The following DISC1 variants were observed in gnomAD, a reference collection of about 807,000 sequenced individuals.
DISC1 encodes the protein DISC1 scaffold protein, also known as disrupted in schizophrenia 1 protein.
A neutral mutation model predicts 84.5 loss-of-function variants in DISC1; 57 were observed. That is an observed-to-expected ratio of 0.67 (90% CI 0.55 to 0.84). DISC1 has a LOEUF of 0.84. DISC1 is among the 40% of genes least tolerant of loss of function. The pLI, the probability that DISC1 is intolerant of heterozygous loss-of-function variation, is 0.00. For synonymous variants in DISC1, 411 were observed against 415.2 expected (o/e 0.99, Z 0.12); for missense variants, 1,000 against 1,057.8 (o/e 0.95, Z 0.76).
chr1:231,775,348 G>C (rs1392262436), intron 6 of DISC1, among the ~76,000 whole-genome samples: 1 of 152,222 alleles, frequency 6.6e-6, no homozygotes, highest in Non-Finnish European at 1.5e-5. Flanking sequence ...GGAGGCCATC[G>C]TTTCTGACTG....
At chr1:231,779,549 GTTTTTTTTTTTTTTT>G (rs762129889) in intron 6 of DISC1, among the ~76,000 whole-genome samples, 1 of 53,570 alleles carries the variant, frequency 1.9e-5, no homozygotes, top group African/African-American at 7.4e-5. Context: ...ACCTATTCTT[GTTTTTTTTTTTTTTT>G]TTTTTTTTTT....
intron 1 of DISC1, among the ~76,000 whole-genome samples, chr1:231,688,105 G>A (rs562354373): frequency 1.3e-5 from 2 of 152,160 alleles, no homozygotes; most frequent in Admixed American, 6.5e-5. Flanking sequence ...TTTTACACTT[G>A]TATGTCTTTG....
At chr1:231,858,023 A>G (rs973606513) in intron 9 of DISC1, among the ~76,000 whole-genome samples, 3 of 152,246 alleles carry the variant, frequency 2.0e-5, no homozygotes, top group Admixed American at 2.0e-4. Flanking sequence ...AATTCATTCC[A>G]GTGGCTTGCC....
chr1:232,005,918 T>C (rs199651541), intron 10 of DISC1, among the ~76,000 whole-genome samples: 10 of 77,690 alleles, frequency 1.3e-4, no homozygotes, highest in African/African-American at 5.3e-4. Flanking sequence ...TATATTTTCA[T>C]TGAAAATTCC....
intron 9 of DISC1, among the ~76,000 whole-genome samples, chr1:231,863,771 C>T (rs907927781): frequency 3.9e-5 from 6 of 152,144 alleles, no homozygotes; most frequent in African/African-American, 9.7e-5. Context: ...TTCTCATCTC[C>T]GTAAGAATGA....
intron 9 of DISC1, among the ~76,000 whole-genome samples, chr1:231,939,677 C>G (rs1345820908): frequency 1.3e-5 from 2 of 152,202 alleles, no homozygotes; most frequent in East Asian, 3.9e-4. Context: ...CCCTCTTCTT[C>G]CAAGCCCCTG....
At chr1:231,782,060 T>G (rs531665616) in intron 6 of DISC1, among the ~76,000 whole-genome samples, 1 of 152,342 alleles carries the variant, frequency 6.6e-6, no homozygotes, top group African/African-American at 2.4e-5. Context: ...CCTCTAGATT[T>G]CCTGTAGCTG....
intron 9 of DISC1, among the ~76,000 whole-genome samples, chr1:231,927,190 G>C (rs922650126): frequency 7.2e-5 from 11 of 152,174 alleles, no homozygotes; most frequent in Admixed American, 5.9e-4. Flanking sequence ...CTCATTCCCT[G>C]TTTGGGTTTC....
chr1:231,942,702 A>T (rs1040564890), intron 9 of DISC1, among the ~76,000 whole-genome samples: 1 of 152,150 alleles, frequency 6.6e-6, no homozygotes, highest in Non-Finnish European at 1.5e-5. Context: ...AAGAAAAAAA[A>T]GAAAACGCCA....
At chr1:231,890,381 C>T (rs141943713) in intron 9 of DISC1, among the ~76,000 whole-genome samples, 154 of 152,236 alleles carry the variant, frequency 1.0e-3, no homozygotes, top group African/African-American at 3.6e-3. Context: ...TGATCGAGCA[C>T]AAATCCACTT....
intron 3 of DISC1, among the ~76,000 whole-genome samples, chr1:231,717,432 G>A (rs1344393837): frequency 1.3e-5 from 2 of 152,146 alleles, no homozygotes; most frequent in African/African-American, 4.8e-5. Flanking sequence ...CTGGAGTCTG[G>A]AGCCTTGCTA....
chr1:231,744,099 A>C (rs2073676598), intron 3 of DISC1, among the ~76,000 whole-genome samples: 2 of 152,340 alleles, frequency 1.3e-5, no homozygotes, highest in Non-Finnish European at 1.5e-5. Flanking sequence ...CTCCTTAGAA[A>C]ATGGCTTATA....
At position 231,755,775 on chromosome 1, in the gene DISC1, G is replaced by T. The variant is rs977320806; in HGVS notation, c.1268+5699G>T. On this transcript the variant is annotated intron_variant, in intron 4 of 12. Transcript: ENST00000439617. ...CTTTCCATCCCTCCCCACAGTCATT[G>T]GTCACCAAGTCCTGTTGTGTCCACT... 3.3e-5 allele frequency among the ~76,000 whole-genome samples: 5 copies of T among 152,152 alleles called. No individual in the cohort carries two copies. In the East Asian group the frequency reaches 9.6e-4, roughly 29 times the overall value.
intron 10 of DISC1, among the ~76,000 whole-genome samples, chr1:232,008,066 A>T (rs1184745062): frequency 6.6e-6 from 1 of 152,178 alleles, no homozygotes; most frequent in African/African-American, 2.4e-5. Flanking sequence ...CTCCCCAGCC[A>T]CACTGAACTG....
intron 9 of DISC1, among the ~76,000 whole-genome samples, chr1:231,955,226 T>C (rs1644914202): frequency 6.6e-6 from 1 of 152,242 alleles, no homozygotes; most frequent in Non-Finnish European, 1.5e-5. Flanking sequence ...ACTTCCTTAG[T>C]GATACTGTCC....
At chr1:231,837,608 G>A (rs150512428) in intron 9 of DISC1, among the ~76,000 whole-genome samples, 85 of 152,044 alleles carry the variant, frequency 5.6e-4, no homozygotes, top group African/African-American at 1.9e-3. Context: ...TGCTTCACTC[G>A]AAAAACTTAT....
At chr1:231,989,807 G>A (rs1664950677) in intron 10 of DISC1, among the ~76,000 whole-genome samples, 1 of 152,192 alleles carries the variant, frequency 6.6e-6, no homozygotes, top group Non-Finnish European at 1.5e-5. Context: ...TACCTGTGCA[G>A]TTCTCTCCAC....
At chr1:231,884,854 G>A (rs1236884297) in intron 9 of DISC1, among the ~76,000 whole-genome samples, 2 of 151,850 alleles carry the variant, frequency 1.3e-5, no homozygotes, top group Admixed American at 6.6e-5. Context: ...TGTGTGATCC[G>A]GTTTTACAGG....
intron 4 of DISC1, among the ~76,000 whole-genome samples, chr1:231,764,481 T>C (rs2076012966): frequency 1.3e-5 from 2 of 152,318 alleles, no homozygotes; most frequent in Admixed American, 6.5e-5. Flanking sequence ...TATGTACATG[T>C]TATTAATATT....
Sources: allele counts gnomAD v4.1 joint callset (sites outside exome capture counted in the v4.1 genomes callset), GRCh38; gene constraint gnomAD v4.1.1; transcripts MANE v1.5; gene names NCBI Gene and HGNC (gene_info 2026-07-23, HGNC 2026-07-21).